Variants in HDAC9 observed in about 807,000 individuals in gnomAD.
HDAC9 encodes the protein MEF-2 interacting transcription repressor (MITR) protein.
In HDAC9, 41 loss-of-function variants were observed where a neutral mutation model predicts 139.4. That is an observed-to-expected ratio of 0.29 (90% confidence interval 0.23 to 0.38). The LOEUF (loss-of-function observed/expected upper bound fraction) is 0.38. HDAC9 is among the 10% of genes least tolerant of loss of function. The probability of loss-of-function intolerance (pLI) is 1.00; values close to 1 mark genes in which losing one functional copy is unlikely to be tolerated. For missense variants in HDAC9, 1,147 were observed against 1,297.0 expected (o/e 0.88, Z 1.78); for synonymous variants, 517 against 476.2 (o/e 1.09, Z -1.12).
intron 6 of HDAC9, 128 bp downstream of exon 6, chr7:18,594,157 C>A: frequency 1.1e-5 from 9 of 837,018 alleles, no homozygotes; most frequent in Non-Finnish European, 1.7e-5. Context: ...CCCCTGCCCC[C>A]AGCATAAGCA....
At chr7:18,747,591 T>A (rs1302773284) in intron 13 of HDAC9, among the ~76,000 whole-genome samples, 1 of 152,130 alleles carries the variant, frequency 6.6e-6, no homozygotes, top group African/African-American at 2.4e-5. Context: ...ATGAGACAAC[T>A]AAGTGGAGAT....
chr7:18,362,155 T>A (rs186500101), intron 1 of HDAC9, among the ~76,000 whole-genome samples: 99 of 152,332 alleles, frequency 6.5e-4, no homozygotes, highest in African/African-American at 2.3e-3. Flanking sequence ...GCTGTTAGGC[T>A]GCAAATGATC....
intron 2 of HDAC9, among the ~76,000 whole-genome samples, chr7:18,190,710 C>A (rs1790289367): frequency 6.6e-6 from 1 of 152,076 alleles, no homozygotes; most frequent in South Asian, 2.1e-4. Context: ...TTGCTTTTCT[C>A]TTTTTATTTT....
upstream of HDAC9, among the ~76,000 whole-genome samples, chr7:18,285,702 T>C (rs1340593718): frequency 3.9e-5 from 6 of 152,116 alleles, no homozygotes; most frequent in Admixed American, 1.3e-4. Context: ...TTGAGTGTTA[T>C]GTCTTATGTT....
chr7:18,607,599 A>G (rs572188531), intron 6 of HDAC9, among the ~76,000 whole-genome samples: 26 of 152,342 alleles, frequency 1.7e-4, no homozygotes, highest in Non-Finnish European at 2.6e-4. Flanking sequence ...AGTAGTAGCC[A>G]TATAATGTAA....
chr7:18,407,086 C>T (rs559144270), intron 1 of HDAC9, among the ~76,000 whole-genome samples: 1 of 152,290 alleles, frequency 6.6e-6, no homozygotes, highest in African/African-American at 2.4e-5. Context: ...CTCCTGATCT[C>T]ACTATATGTA....
chr7:18,705,121 G>A (rs1376366079), intron 12 of HDAC9, among the ~76,000 whole-genome samples: 2 of 152,094 alleles, frequency 1.3e-5, no homozygotes, highest in East Asian at 1.9e-4. Flanking sequence ...ATGTACCTGC[G>A]GGACTTCTGG....
chr7:18,167,863 A>T (rs1354303196), intron 2 of HDAC9, among the ~76,000 whole-genome samples: 3 of 152,220 alleles, frequency 2.0e-5, no homozygotes, highest in Non-Finnish European at 4.4e-5. Context: ...CATTTGTCTT[A>T]AAATTTTATA....
At chr7:18,866,948 C>T (rs1460671864) in intron 21 of HDAC9, among the ~76,000 whole-genome samples, 1 of 152,178 alleles carries the variant, frequency 6.6e-6, no homozygotes, top group Non-Finnish European at 1.5e-5. Context: ...AAATCTGATT[C>T]TGAGGAAGTT....
In HDAC9 at chr7:18,996,018, T is replaced by C; in HGVS notation, c.3171-5T>C. The C allele has an allele frequency of 1.3e-6, 2 of 1,598,508 alleles. No homozygotes were observed. Among genetic ancestry groups the C allele is most frequent in the South Asian group, 1.1e-5 (1 of 88,408 alleles). ...CGTATTCTGATTGCCTGTTTATTTTTACAGAACTGCTGGTGAGCCTATGGA... is the reference window on the plus strand; with the variant it reads ...CGTATTCTGATTGCCTGTTTATTTTCACAGAACTGCTGGTGAGCCTATGGA... On this transcript the variant is annotated splice_polypyrimidine_tract_variant and splice_region_variant and intron_variant, in intron 25 of 25. Transcript: ENST00000686413.
chr7:18,120,995 A>G lies in HDAC9; in HGVS notation c.-97+33782A>G, dbSNP rs538981888. On this transcript the variant is annotated intron_variant, in intron 1 of 12. Transcript: ENST00000417496. ...ATAACAGAAGACATAGAGATGAGAG[A>G]ATGGCCAAATTGCATTTTAGAGAAA... is the stretch of plus-strand genomic sequence containing the variant. Among the ~76,000 whole-genome samples the G allele has an allele frequency of 4.6e-5, 7 of 152,292 alleles. No homozygotes were observed. In the East Asian group the frequency reaches 1.4e-3, roughly 29 times the overall value.
Position 18,916,693 on chromosome 7 carries a change from A to T in HDAC9, c.2804-19116A>T, listed in dbSNP as rs149272466. ...TTTAAGTGCAGCATTCTACCCGCCT[A>T]TCAGAGCCATTACTCCCAAACACCT... On this transcript the variant is annotated intron_variant, in intron 22 of 25. Coordinates refer to ENST00000686413, the MANE Select transcript of HDAC9 (RefSeq NM_178425.4). 5.1e-3 allele frequency among the ~76,000 whole-genome samples: 778 copies of T among 152,138 alleles called. 7 individuals are homozygous for T. The highest frequency in any genetic ancestry group is 0.018 in the African/African-American group (740 of 41,538).
chr7:18,412,638 A>G (rs1453666524), intron 1 of HDAC9, among the ~76,000 whole-genome samples: 2 of 152,214 alleles, frequency 1.3e-5, no homozygotes, highest in African/African-American at 4.8e-5. Context: ...ACTCACGCTC[A>G]GTTGTGATTT....
chr7:18,178,791 C>T (rs934742163), intron 2 of HDAC9, among the ~76,000 whole-genome samples: 2 of 152,152 alleles, frequency 1.3e-5, no homozygotes, highest in Non-Finnish European at 2.9e-5. Context: ...AAATATACTA[C>T]GTTTCTGAGG....
rs141287307 is a variant in HDAC9 at position 18,261,902 on chromosome 7, C to A, written c.25+99553C>A. Reference sequence around the variant, plus strand: ...CTAAATGAAAATCTCTCTTTCAATTCATTTTAACATAGTGATTTGCTGCTT... The same window carrying A: ...CTAAATGAAAATCTCTCTTTCAATTAATTTTAACATAGTGATTTGCTGCTT... On this transcript the variant is annotated intron_variant, in intron 2 of 12. Coordinates refer to the HDAC9 transcript ENST00000417496. Among the ~76,000 whole-genome samples the A allele has an allele frequency of 9.1e-4, 139 of 152,310 alleles. 3 individuals are homozygous for A. In the East Asian group the frequency reaches 0.025, roughly 27 times the overall value.
intron 1 of HDAC9, among the ~76,000 whole-genome samples, chr7:18,473,493 T>C (rs1053848334): frequency 3.3e-5 from 5 of 152,280 alleles, no homozygotes; most frequent in African/African-American, 1.2e-4. Flanking sequence ...CAGGTGCACA[T>C]GTGCATGGAT....
chr7:18,208,692 T>C (rs1179278573), intron 2 of HDAC9, among the ~76,000 whole-genome samples: 1 of 152,052 alleles, frequency 6.6e-6, no homozygotes, highest in Non-Finnish European at 1.5e-5. Context: ...ATATTTTAAA[T>C]TGTAAACAAA....
At chr7:18,305,406 C>T (rs972183026) in intron 1 of HDAC9, among the ~76,000 whole-genome samples, 3 of 152,114 alleles carry the variant, frequency 2.0e-5, no homozygotes, top group Admixed American at 1.3e-4. Flanking sequence ...TTGTTAGTTT[C>T]CCCACTTTCT....
intron 22 of HDAC9, among the ~76,000 whole-genome samples, chr7:18,922,436 AG>A (rs1803840830): frequency 6.6e-6 from 1 of 152,110 alleles, no homozygotes; most frequent in Non-Finnish European, 1.5e-5. Flanking sequence ...GAAGCCTTCA[AG>A]ATTTTGTAGT....
Sources: allele counts gnomAD v4.1 joint callset (sites outside exome capture counted in the v4.1 genomes callset), GRCh38; gene constraint gnomAD v4.1.1; transcripts MANE v1.5; gene names NCBI Gene and HGNC (gene_info 2026-07-23, HGNC 2026-07-21).